Variants in MAN2A1 observed in about 807,000 individuals in gnomAD.
MAN2A1 encodes alpha-mannosidase 2.
MAN2A1 carries 76 observed loss-of-function variants against 142.6 expected under a neutral mutation model. The observed-to-expected ratio is 0.53, with a 90% CI of 0.44 to 0.65. The LOEUF (loss-of-function observed/expected upper bound fraction) is 0.65, where lower values mean the gene tolerates loss of function less well. MAN2A1 is among the 30% of genes least tolerant of loss of function. The probability of loss-of-function intolerance (pLI) is 0.00; values close to 1 mark genes in which losing one functional copy is unlikely to be tolerated. For synonymous variants in MAN2A1, 559 were observed against 473.2 expected (o/e 1.18, Z -2.35); for missense variants, 1,311 against 1,365.1 (o/e 0.96, Z 0.62).
intron 4 of MAN2A1, among the ~76,000 whole-genome samples, chr5:109,746,174 C>T (rs1341150855): frequency 1.3e-5 from 2 of 152,034 alleles, no homozygotes; most frequent in African/African-American, 4.8e-5. Context: ...GGGGTTTCGC[C>T]ATGTTGGCCA....
At chr5:109,738,712 A>G (rs1273952833) in intron 4 of MAN2A1, among the ~76,000 whole-genome samples, 2 of 152,174 alleles carry the variant, frequency 1.3e-5, no homozygotes, top group Non-Finnish European at 2.9e-5. Flanking sequence ...GCTTAGCACA[A>G]TGCCTGGCAC....
chr5:109,819,357 C>A (rs1009407528), intron 13 of MAN2A1, among the ~76,000 whole-genome samples: 24 of 152,144 alleles, frequency 1.6e-4, no homozygotes, highest in Admixed American at 1.3e-3. Context: ...TTGCATATAA[C>A]CTGCACACAT....
At chr5:109,783,522 G>C (rs895870384) in intron 9 of MAN2A1, among the ~76,000 whole-genome samples, 1 of 152,072 alleles carries the variant, frequency 6.6e-6, no homozygotes, top group African/African-American at 2.4e-5. Flanking sequence ...TTTTTGGAAG[G>C]ATTAGAATTT....
At chr5:109,712,095 CT>C (rs34625389) in intron 1 of MAN2A1, among the ~76,000 whole-genome samples, 3,195 of 143,626 alleles carry the variant, frequency 0.022, 69 homozygotes, top group Admixed American at 0.08. Context: ...ATTTTGGCTA[CT>C]TTTTTTTTTT....
chr5:109,810,680 C>T (rs1005265600), intron 12 of MAN2A1, among the ~76,000 whole-genome samples: 50 of 152,338 alleles, frequency 3.3e-4, no homozygotes, highest in African/African-American at 1.2e-3. Context: ...CACAGCCTCT[C>T]CCTTGCTGAG....
Position 109,807,202 on chromosome 5 carries a change from A to G in MAN2A1, c.1944-10071A>G, listed in dbSNP as rs757214863. On this transcript the variant is annotated intron_variant, in intron 12 of 21. Coordinates refer to ENST00000261483, the MANE Select transcript of MAN2A1 (RefSeq NM_002372.4). ...CTTGGTCCCAGTTCCAAGGACCCCA[A>G]GCTCTTCTTGCTTGTTACTCTTTGC... is the stretch of plus-strand genomic sequence containing the variant. 2.5e-4 allele frequency among the ~76,000 whole-genome samples: 38 copies of G among 152,226 alleles called. No homozygotes were observed. In the South Asian group the frequency reaches 3.1e-3, roughly 12 times the overall value.
chr5:109,763,861 G>T (rs1370893385), intron 5 of MAN2A1, among the ~76,000 whole-genome samples: 1 of 151,662 alleles, frequency 6.6e-6, no homozygotes, highest in African/African-American at 2.4e-5. Flanking sequence ...GAGCACACTG[G>T]CGCCATCTCA....
At chr5:109,756,615 A>AT (rs1416233460) in intron 5 of MAN2A1, among the ~76,000 whole-genome samples, 1 of 152,078 alleles carries the variant, frequency 6.6e-6, no homozygotes, top group Non-Finnish European at 1.5e-5. Flanking sequence ...CATTTACTTA[A>AT]TTTTTTCTGT....
chr5:109,820,178 C>T, intron 14 of MAN2A1, 42 bp from the exon 15 acceptor site: 1 of 1,531,344 alleles, frequency 6.5e-7, no homozygotes, highest in Non-Finnish European at 8.9e-7. Context: ...TGCTTAACAT[C>T]TTAGTGGTGA....
chr5:109,829,448 A>G (rs143958996), intron 16 of MAN2A1, among the ~76,000 whole-genome samples: 8 of 152,260 alleles, frequency 5.3e-5, no homozygotes, highest in African/African-American at 1.9e-4. Flanking sequence ...AGCAGATATT[A>G]CTGTTCTTTG....
chr5:109,799,544 C>G (rs1302342781), intron 12 of MAN2A1, among the ~76,000 whole-genome samples: 2 of 152,116 alleles, frequency 1.3e-5, no homozygotes, highest in Non-Finnish European at 2.9e-5. Context: ...CACCTGAGGT[C>G]AGGAGTTTGA....
chr5:109,823,535 T>A (rs1463014723), intron 15 of MAN2A1, among the ~76,000 whole-genome samples, 188 bp from the exon 16 acceptor site: 11 of 152,236 alleles, frequency 7.2e-5, no homozygotes, highest in Admixed American at 7.2e-4. Context: ...TTTCAGCATT[T>A]TTAAAAATAA....
At chr5:109,852,304 C>T (rs1326275301) in intron 19 of MAN2A1, among the ~76,000 whole-genome samples, 1 of 151,940 alleles carries the variant, frequency 6.6e-6, no homozygotes, top group Non-Finnish European at 1.5e-5. Flanking sequence ...TTTTTTACTC[C>T]ACCCTTCCTC....
In MAN2A1 at chr5:109,700,995, A is replaced by G. The variant is rs563022097; in HGVS notation, c.135+10443A>G. Among the ~76,000 whole-genome samples, 6 of 152,354 alleles carry G rather than the reference A, an allele frequency of 3.9e-5. No individual in the cohort carries two copies. The South Asian group carries it at 1.2e-3, about 32-fold the overall frequency. On this transcript the variant is annotated intron_variant, in intron 1 of 21. Transcript: ENST00000261483. The stretch of plus-strand genomic sequence containing the variant: ...CAGTTAAGTGCTATTATTCATTAGA[A>G]GTTAAAGAGGTTAGAATGTTGCCTG...
intron 13 of MAN2A1, among the ~76,000 whole-genome samples, 155 bp downstream of exon 13, chr5:109,817,593 A>G (rs1044597432): frequency 6.6e-6 from 1 of 152,222 alleles, no homozygotes; most frequent in Admixed American, 6.5e-5. Flanking sequence ...GGTGGGTCAA[A>G]TGACACTAAA....
chr5:109,859,967 TTCTC>T (rs1477538248), intron 20 of MAN2A1, among the ~76,000 whole-genome samples: 1 of 151,372 alleles, frequency 6.6e-6, no homozygotes, highest in African/African-American at 2.4e-5. Flanking sequence ...TCTTAACTCT[TTCTC>T]TATGTAATTT....
intron 13 of MAN2A1, among the ~76,000 whole-genome samples, 172 bp downstream of exon 13, chr5:109,817,610 A>G (rs1275363681): frequency 6.6e-6 from 1 of 152,198 alleles, no homozygotes; most frequent in African/African-American, 2.4e-5. Flanking sequence ...TAAAGGAAAA[A>G]TGATCCTGTG....
chr5:109,732,040 T>G (rs1416038239), intron 4 of MAN2A1, among the ~76,000 whole-genome samples: 3 of 152,052 alleles, frequency 2.0e-5, no homozygotes, highest in Admixed American at 6.6e-5. Context: ...CCTGACTTTT[T>G]AATGATTGCC....
At chr5:109,691,668 GA>G (rs1713991612) in intron 1 of MAN2A1, among the ~76,000 whole-genome samples, 1 of 152,066 alleles carries the variant, frequency 6.6e-6, no homozygotes, top group African/African-American at 2.4e-5. Context: ...TTGTGAAAGT[GA>G]AAAAAGACCC....
Sources: gnomAD v4.1 joint callset for allele counts (sites outside exome capture counted in the v4.1 genomes callset) on GRCh38, gnomAD v4.1.1 for gene constraint, MANE v1.5 for transcripts, NCBI Gene and HGNC (gene_info 2026-07-23, HGNC 2026-07-21) for gene names.